Variants in EPS8 observed in about 807,000 individuals in gnomAD.
EPS8 encodes the protein epidermal growth factor receptor kinase substrate 8.
In EPS8, 42 loss-of-function variants were observed where a neutral mutation model predicts 103.8. The observed-to-expected ratio is 0.40, with a 90% CI of 0.32 to 0.52. The LOEUF (loss-of-function observed/expected upper bound fraction) is 0.52. Among genes scored for constraint, EPS8 ranks in the 20% least tolerant of loss-of-function variants. The pLI, the probability that EPS8 is intolerant of heterozygous loss-of-function variation, is 0.40. For synonymous variants in EPS8, 344 were observed against 344.6 expected (o/e 1.00, Z 0.02); for missense variants, 969 against 1,005.1 (o/e 0.96, Z 0.49).
intron 1 of EPS8, among the ~76,000 whole-genome samples, chr12:15,768,096 G>C (rs896503261): frequency 2.0e-5 from 3 of 151,980 alleles, no homozygotes; most frequent in African/African-American, 7.3e-5. Context: ...AAACTGTTCT[G>C]GCTTATACAG....
intron 10 of EPS8, 41 bp from the exon 11 acceptor site, chr12:15,658,626 A>T: frequency 7.6e-7 from 1 of 1,322,272 alleles, no homozygotes; most frequent in Non-Finnish European, 1.1e-6. Context: ...AGCAAAATCC[A>T]AGGAAATTTA....
At position 15,757,173 on chromosome 12, in the gene EPS8, G is replaced by C. The variant is rs1946994101; in HGVS notation, c.-22+31988C>G. 6.6e-6 allele frequency among the ~76,000 whole-genome samples: 1 copy of C among 152,132 alleles called. No homozygotes were observed. Among genetic ancestry groups the C allele is most frequent in the Non-Finnish European group, 1.5e-5 (1 of 68,020 alleles). On this transcript the variant is annotated intron_variant, in intron 1 of 20. Coordinates refer to ENST00000281172, the MANE Select transcript of EPS8 (RefSeq NM_004447.6). The surrounding 1 kb of genome is among the most constrained non-coding windows in gnomAD (Gnocchi z 4.1). ...AATCAAGCTACAAAATGGAGAGACT[G>C]AATAAAATGATTTCTAAAATTGTTA...
intron 1 of EPS8, among the ~76,000 whole-genome samples, chr12:15,737,615 A>C (rs950811842): frequency 6.6e-6 from 1 of 152,176 alleles, no homozygotes; most frequent in East Asian, 1.9e-4. Context: ...GCATGAAGAC[A>C]TTAAATTATT....
rs372648478 is a variant in EPS8, at chr12:15,663,836, C to T, written c.737-1737G>A. Among the ~76,000 whole-genome samples the T allele has an allele frequency of 3.3e-3, 483 of 148,316 alleles. 3 individuals are homozygous for T. The highest frequency in any genetic ancestry group is 0.012 in the African/African-American group (478 of 39,980). ...ACTTGGGAGGCTGAGGCAGGAGAAT[C>T]GCTTGAACCAGGAGACAAAGGTTGC... On this transcript the variant is annotated intron_variant, in intron 8 of 20. Coordinates refer to ENST00000281172, the MANE Select transcript of EPS8 (RefSeq NM_004447.6).
intron 3 of EPS8, among the ~76,000 whole-genome samples, chr12:15,679,777 T>A (rs1252237900): frequency 6.6e-6 from 1 of 152,222 alleles, no homozygotes; most frequent in Non-Finnish European, 1.5e-5. Flanking sequence ...CTTCTCTTAG[T>A]CATCTTTGAA....
In EPS8 at chr12:15,721,780, C is replaced by G. The variant is rs564919047; in HGVS notation, c.-21-38808G>C. ...AGGATTTCTAGTGTTTCATTCAGCA[C>G]CAAATATCAGACTTTTTAAAATTTT... On this transcript the variant is annotated intron_variant, in intron 1 of 20. Transcript: ENST00000281172. The surrounding 1 kb of genome is among the most constrained non-coding windows in gnomAD (Gnocchi z 4.4). Among the ~76,000 whole-genome samples the G allele has an allele frequency of 6.2e-3, 941 of 151,886 alleles. 4 individuals carry two copies. Among genetic ancestry groups the G allele is most frequent in the Non-Finnish European group, 0.011 (721 of 67,950 alleles).
Position 15,701,419 on chromosome 12 carries a change from CTA to C in EPS8, c.-21-18449_-21-18448del, listed in dbSNP as rs1946310214. Reference sequence around the variant, plus strand: ...CAAAAGCCCAAACTCAGTTTCTATGCTATGTCTGTATGTGTGACTCATCCCCC... The same window carrying C: ...CAAAAGCCCAAACTCAGTTTCTATGCTGTCTGTATGTGTGACTCATCCCCC... On this transcript the variant is annotated intron_variant, in intron 1 of 20. Transcript: ENST00000281172. This position sits in a 1 kb window ranked among gnomAD's most constrained non-coding sequence, Gnocchi z 5.1. Among the ~76,000 whole-genome samples, 1 of 152,156 alleles carries C rather than the reference CTA, an allele frequency of 6.6e-6. No homozygotes were observed. The highest frequency in any genetic ancestry group is 6.6e-5 in the Admixed American group (1 of 15,262).
At chr12:15,654,579 G>A in intron 12 of EPS8, 2 of 404,836 alleles carry the variant, frequency 4.9e-6, no homozygotes, top group Non-Finnish European at 8.9e-6. Context: ...CAAAGGCTAT[G>A]CAGAGAATTC....
intron 17 of EPS8, among the ~76,000 whole-genome samples, chr12:15,634,391 T>C (rs957927437): frequency 2.0e-5 from 3 of 152,218 alleles, no homozygotes; most frequent in African/African-American, 7.2e-5. Context: ...AAATTTACTT[T>C]CCTATTGATA....
intron 1 of EPS8, among the ~76,000 whole-genome samples, chr12:15,705,865 T>C (rs1243035345): frequency 6.6e-6 from 1 of 152,160 alleles, no homozygotes; most frequent in Non-Finnish European, 1.5e-5. Flanking sequence ...ACTTATGATA[T>C]CCAGTAGAAA....
rs1946504215 is a variant in EPS8 at position 15,714,318 on chromosome 12, T to A, written c.-21-31346A>T. Among the ~76,000 whole-genome samples the A allele has an allele frequency of 6.6e-6, 1 of 152,148 alleles. No individual in the cohort carries two copies. The highest frequency in any genetic ancestry group is 2.1e-4 in the South Asian group (1 of 4,820). ...AACATAAAACTAAAAAATCTGTATG[T>A]TTTATAAAACCAAATTATATTTGAA... is the stretch of plus-strand genomic sequence containing the variant. On this transcript the variant is annotated intron_variant, in intron 1 of 20. Coordinates refer to ENST00000281172, the MANE Select transcript of EPS8 (RefSeq NM_004447.6). The surrounding 1 kb of genome is among the most constrained non-coding windows in gnomAD (Gnocchi z 4.1).
chr12:15,632,024 T>C (rs774497911), intron 17 of EPS8, among the ~76,000 whole-genome samples: 2 of 152,170 alleles, frequency 1.3e-5, no homozygotes, highest in Non-Finnish European at 2.9e-5. Flanking sequence ...TAATTTCCAA[T>C]TGCACTGGAA....
chr12:15,735,170 T>A lies in EPS8; in HGVS notation c.-21-52198A>T, dbSNP rs1946756427. Among the ~76,000 whole-genome samples the A allele has an allele frequency of 6.6e-6, 1 of 152,172 alleles. No homozygotes were observed. Among genetic ancestry groups the A allele is most frequent in the Non-Finnish European group, 1.5e-5 (1 of 68,034 alleles). ...TAATTTTTCTACAAATGAACTCACC[T>A]CAGAAATGAAAATAAGCTCCAATTC... On this transcript the variant is annotated intron_variant, in intron 1 of 20. Transcript: ENST00000281172. The surrounding 1 kb of genome is among the most constrained non-coding windows in gnomAD (Gnocchi z 4.4).
chr12:15,654,305 A>C lies in EPS8; in HGVS notation c.1102-12T>G. The C allele has an allele frequency of 6.2e-7, 1 of 1,610,290 alleles. No individual in the cohort carries two copies. The highest frequency in any genetic ancestry group is 8.5e-7 in the Non-Finnish European group (1 of 1,178,628). ...GTTGCCTGCACCACCTAAGATAATA[A>C]ACCATTTTTTAGCAAGAAGATTACT... is the stretch of plus-strand genomic sequence containing the variant. On this transcript the variant is annotated splice_polypyrimidine_tract_variant and intron_variant, in intron 12 of 20. Transcript: ENST00000281172.
chr12:15,629,763 A>G (rs549427041), intron 18 of EPS8, among the ~76,000 whole-genome samples: 70 of 152,332 alleles, frequency 4.6e-4, no homozygotes, highest in African/African-American at 1.7e-3. Context: ...GCTTATGCTT[A>G]TTGCATTTAA....
chr12:15,750,456 T>C (rs1946920261), intron 1 of EPS8, among the ~76,000 whole-genome samples: 1 of 152,220 alleles, frequency 6.6e-6, no homozygotes, highest in South Asian at 2.1e-4. Flanking sequence ...GGTTGTACTC[T>C]AGATAGGTTT....
chr12:15,703,105 C>T lies in EPS8; in HGVS notation c.-21-20133G>A, dbSNP rs537098744. ...TGGAAGTTGCAGTGAGCCAAGATCA[C>T]GCCACTGCACTCCAGCCTGGTGATG... On this transcript the variant is annotated intron_variant, in intron 1 of 20. Coordinates refer to ENST00000281172, the MANE Select transcript of EPS8 (RefSeq NM_004447.6). 2.2e-4 allele frequency among the ~76,000 whole-genome samples: 34 copies of T among 152,254 alleles called. No individual in the cohort carries two copies. In the South Asian group the frequency reaches 6.4e-3, roughly 29 times the overall value.
intron 20 of EPS8, 73 bp downstream of exon 20, chr12:15,623,085 A>G (rs1944885919): frequency 1.4e-6 from 2 of 1,447,110 alleles, no homozygotes; most frequent in African/African-American, 1.5e-5. Flanking sequence ...AAATTGGCCA[A>G]TATGGACATA....
rs779844742 is a variant in EPS8 at position 15,647,232 on chromosome 12, G to A, written c.1463C>T (p.Ala488Val). ...GTTGCTACTGAACGCATAGCCATCGGCTGGATGATACTCTGATACACTGGA... is the reference window on the plus strand; with the variant it reads ...GTTGCTACTGAACGCATAGCCATCGACTGGATGATACTCTGATACACTGGA... The part of the protein sequence containing the change: ...EHSSVSEYHP[A>V]DGYAFSSNIY... The change falls in exon 15 of 21, where the codon GCC becomes GTC. Residue 488 changes from alanine to valine, a missense_variant. Physicochemically the swap from Ala to Val is moderately conservative, Grantham distance 64 (BLOSUM62 0). Coordinates refer to ENST00000281172, the MANE Select transcript of EPS8 (RefSeq NM_004447.6). 4 of 1,613,564 alleles carry A rather than the reference G, an allele frequency of 2.5e-6. No individual in the cohort carries two copies. Among genetic ancestry groups the A allele is most frequent in the South Asian group, 1.1e-5 (1 of 90,992 alleles).
Sources: allele counts gnomAD v4.1 joint callset (sites outside exome capture counted in the v4.1 genomes callset), GRCh38; gene constraint gnomAD v4.1.1; non-coding constraint Gnocchi (gnomAD v3.1); transcripts MANE v1.5; gene names NCBI Gene and HGNC (gene_info 2026-07-23, HGNC 2026-07-21).